TTN: variants seen among roughly 807,000 people sequenced by gnomAD.
TTN encodes the protein titin.
A neutral mutation model predicts 3,223.0 loss-of-function variants in TTN; 1,525 were observed. The ratio of observed to expected loss-of-function variants is 0.47; its 90% CI spans 0.45 to 0.49. The LOEUF (loss-of-function observed/expected upper bound fraction) is 0.49. Among genes scored for constraint, TTN ranks in the 20% least tolerant of loss-of-function variants. The pLI is 0.00. For missense variants in TTN, 40,786 were observed against 43,424.0 expected, an observed-to-expected ratio of 0.94 and a Z score of 5.40; for synonymous variants, 14,094 against 15,161.0, an observed-to-expected ratio of 0.93 and a Z score of 5.17.
chr2:178,692,138 T>C (rs1398366124), intron 120 of TTN, 39 bp from the exon 121 acceptor site: 2 of 1,548,836 alleles, frequency 1.3e-6, no homozygotes, highest in South Asian at 2.2e-5. Context: ...TGGAATATTC[T>C]AGTCACCTTC....
chr2:178,562,616 C>T lies in TTN; in HGVS notation c.83516G>A (p.Arg27839Gln), dbSNP rs376820301. The T allele has an allele frequency of 6.1e-4, 975 of 1,610,136 alleles. 6 individuals are homozygous for T. Among genetic ancestry groups the T allele is most frequent in the East Asian group, 1.4e-3 (61 of 44,800 alleles). ...NLQEGCSYYF[R>Q]VLASNEYGIG... Reference sequence around the variant, plus strand: ...CCCATATTCATTGGAAGCCAAGACTCGGAAGTAGTAAGAACATCCTTCTTG... The same window carrying T: ...CCCATATTCATTGGAAGCCAAGACTTGGAAGTAGTAAGAACATCCTTCTTG... Residue 27839 changes from arginine (R) to glutamine (Q), a missense_variant, in exon 326 of 363, where the codon CGA (arginine) becomes CAA (glutamine). Transcript: ENST00000589042.
intron 7 of TTN, 102 bp downstream of exon 7, chr2:178,794,820 T>C (rs1388953661): frequency 1.4e-6 from 2 of 1,462,168 alleles, no homozygotes; most frequent in Non-Finnish European, 1.9e-6. Flanking sequence ...TATGTTCATA[T>C]GCATTTTTCC....
chr2:178,664,065 T>A lies in TTN; in HGVS notation c.36314A>T (p.Lys12105Met), dbSNP rs2065363444. The A allele has an allele frequency of 6.2e-7, 1 of 1,613,004 alleles. No individual in the cohort carries two copies. The highest frequency in any genetic ancestry group is 1.3e-5 in the African/African-American group (1 of 74,882). The change falls in exon 169 of 363, where the codon AAG becomes ATG. Residue 12105 changes from lysine (K) to methionine (M), a missense_variant. Coordinates refer to ENST00000589042, the MANE Select transcript of TTN (RefSeq NM_001267550.2). ...TTTAGGAGGCACCACCGACACTTTC[T>A]TTTCAGGGATAATCTCTTTGGGAGC... ...HEAPKEIIPE[K>M]KVSVVPPKKP...
intron 44 of TTN, among the ~76,000 whole-genome samples, chr2:178,758,280 C>A (rs541050235): frequency 6.6e-6 from 1 of 152,050 alleles, no homozygotes; most frequent in African/African-American, 2.4e-5. Flanking sequence ...ACAGTTAATG[C>A]ATAAGGTTAA....
At chr2:178,629,678 T>C (rs541978156) in intron 239 of TTN, among the ~76,000 whole-genome samples, 1 of 152,200 alleles carries the variant, frequency 6.6e-6, no homozygotes, top group South Asian at 2.1e-4. Context: ...CAGCGAGAAA[T>C]CTGTGCTGCA....
At chr2:178,606,604 G>A (rs2054897253) in intron 278 of TTN, among the ~76,000 whole-genome samples, 1 of 151,870 alleles carries the variant, frequency 6.6e-6, no homozygotes. Context: ...GGGACTTTTT[G>A]AATATAGAGG....
chr2:178,648,185 TAC>T (rs1457077188), intron 213 of TTN, among the ~76,000 whole-genome samples: 1 of 152,106 alleles, frequency 6.6e-6, no homozygotes, highest in Non-Finnish European at 1.5e-5. Context: ...TCCTATTGCC[TAC>T]AGAAAAAAGT....
chr2:178,726,591 G>C (rs2079380331), intron 69 of TTN: 1 of 151,742 alleles, frequency 6.6e-6, no homozygotes, highest in African/African-American at 2.4e-5. Flanking sequence ...TTTGTACCAA[G>C]GTATAGTCAT....
Position 178,722,797 on chromosome 2 carries a change from C to G in TTN, c.22102G>C (p.Glu7368Gln). Residue 7368 changes from glutamate to glutamine, a missense_variant, in exon 76 of 363, where the codon GAA (glutamate) becomes CAA (glutamine). Glu to Gln is a conservative substitution (Grantham distance 29, BLOSUM62 2). Transcript: ENST00000589042. The part of the protein sequence containing the change: ...KGDTKLRPTP[E>Q]YRTYFTNNVA... ...TTGTTTGTAAAGTAGGTCCTGTATT[C>G]AGGAGTTGGCCGTAATTTGGTATCT... The G allele has an allele frequency of 6.2e-7, 1 of 1,613,292 alleles. No individual in the cohort carries two copies.
chr2:178,675,809 T>A, intron 148 of TTN, 55 bp from the exon 149 acceptor site: 4 of 1,524,480 alleles, frequency 2.6e-6, no homozygotes, highest in Non-Finnish European at 2.7e-6. Context: ...CAAAGACAAG[T>A]AGACACAGCA....
At chr2:178,779,753 T>C (rs998882198) in intron 22 of TTN, 2 of 542,226 alleles carry the variant, frequency 3.7e-6, no homozygotes, top group Non-Finnish European at 3.3e-6. Flanking sequence ...TGTGCTAATA[T>C]TGGTGTTTTC....
At position 178,632,655 on chromosome 2, in the gene TTN, C is replaced by T. The variant is rs768931150; in HGVS notation, c.43351G>A (p.Asp14451Asn). The T allele has an allele frequency of 3.1e-6, 5 of 1,613,468 alleles. No individual in the cohort carries two copies. Among genetic ancestry groups the T allele is most frequent in the Middle Eastern group, 3.3e-4 (2 of 6,056 alleles). Residue 14451 changes from aspartate (D) to asparagine (N), a missense_variant, in exon 235 of 363, where the codon GAC becomes AAC. Transcript: ENST00000589042. Reference protein sequence around the residue: ...LKGTQEITGDDRFELIKDGTK... With the variant: ...LKGTQEITGDNRFELIKDGTK... ...CCATCCTTTATAAGCTCAAATCTGTCATCACCTGTGATTTCCTGGGTTCCT... is the reference window on the plus strand; with the variant it reads ...CCATCCTTTATAAGCTCAAATCTGTTATCACCTGTGATTTCCTGGGTTCCT...
chr2:178,681,179 G>C lies in TTN; in HGVS notation c.33248-8C>G, dbSNP rs766957102. 7 of 1,590,632 alleles carry C rather than the reference G, an allele frequency of 4.4e-6. No individual in the cohort carries two copies. The Admixed American group carries it at 7.3e-5, about 17-fold the overall frequency. On this transcript the variant is annotated splice_region_variant and splice_polypyrimidine_tract_variant and intron_variant, in intron 137 of 362. Transcript: ENST00000589042. ...TCTTTGGTTCTTCAGGCACTTTAAA[G>C]ATATTAATTATTAAAGAGCATTAAA... is the stretch of plus-strand genomic sequence containing the variant.
chr2:178,742,860 C>T (rs973065501), intron 47 of TTN: 2 of 151,992 alleles, frequency 1.3e-5, no homozygotes, highest in African/African-American at 4.8e-5. Context: ...AGACTTACAC[C>T]TTAATTCCTT....
Position 178,645,793 on chromosome 2 carries a change from C to T in TTN, c.40408+127G>A, listed in dbSNP as rs749579189. 5.5e-6 allele frequency: 3 copies of T among 548,666 alleles called. No individual in the cohort carries two copies. In the Admixed American group the frequency reaches 1.3e-4, roughly 23 times the overall value. The allele number at this position is 548,666 out of a possible 1,614,324, so 34.0% of individuals were successfully genotyped here. A position where few individuals can be genotyped will look rare whatever the true frequency, so the allele number is the denominator to read the frequency against. ...AGCAGAAGAGACAGCTCTATGCAATCTCACAGTACAATCATGTCTGAAAGT... is the reference window on the plus strand; with the variant it reads ...AGCAGAAGAGACAGCTCTATGCAATTTCACAGTACAATCATGTCTGAAAGT... On this transcript the variant is annotated intron_variant, in intron 217 of 362. Transcript: ENST00000589042.
rs922315403 is a variant in TTN, at chr2:178,576,512, A to C, written c.69715+17T>G. On this transcript the variant is annotated intron_variant, in intron 325 of 362. Coordinates refer to ENST00000589042, the MANE Select transcript of TTN (RefSeq NM_001267550.2). This position sits in a 1 kb window ranked among gnomAD's most constrained non-coding sequence, Gnocchi z 4.3. ...GGCACTCTGGAATGAACGGTGTTGA[A>C]AAAGACAAATACTAACATGCTGCAT... 1 of 1,609,566 alleles carries C rather than the reference A, an allele frequency of 6.2e-7. No individual in the cohort carries two copies. The highest frequency in any genetic ancestry group is 1.1e-5 in the South Asian group (1 of 89,630).
In TTN at chr2:178,711,973, A is replaced by G. The variant is rs769642697; in HGVS notation, c.27857T>C (p.Val9286Ala). 3 of 1,605,336 alleles carry G rather than the reference A, an allele frequency of 1.9e-6. No individual in the cohort carries two copies. In the South Asian group the frequency reaches 3.3e-5, roughly 18 times the overall value. The change falls in exon 96 of 363, where the codon GTT becomes GCT. Residue 9286 changes from valine to alanine, a missense_variant. Transcript: ENST00000589042. ...ICKAENSVGE[V>A]SASTFLTVQE... ...AACGGTAAGGAAAGTTGATGCAGAA[A>G]CTTCTCCCACGCTGTTTTCAGCTTT...
At chr2:178,667,161 A>G in intron 162 of TTN, 75 bp downstream of exon 162, 1 of 1,272,410 alleles carries the variant, frequency 7.9e-7, no homozygotes, top group Non-Finnish European at 1.1e-6. Context: ...GAGAATGTAT[A>G]TTAAACATTA....
At chr2:178,715,338 T>C in intron 89 of TTN, 74 bp from the exon 90 acceptor site, 1 of 1,516,980 alleles carries the variant, frequency 6.6e-7, no homozygotes, top group Non-Finnish European at 8.8e-7. Flanking sequence ...AATCTTCCAC[T>C]CCATCAGAGA....
Sources: allele counts gnomAD v4.1 joint callset (sites outside exome capture counted in the v4.1 genomes callset), GRCh38; gene constraint gnomAD v4.1.1; non-coding constraint Gnocchi (gnomAD v3.1); transcripts MANE v1.5; gene names NCBI Gene and HGNC (gene_info 2026-07-23, HGNC 2026-07-21).